Variants in SLC16A7 observed in about 807,000 individuals in gnomAD.
The protein encoded by SLC16A7 is solute carrier family 16 member 7, also known as monocarboxylate transporter 2.
Under a neutral mutation model 34.9 loss-of-function variants are expected in SLC16A7, and 33 were observed. That is an observed-to-expected ratio of 0.94 (90% CI 0.72 to 1.26). The LOEUF is 1.26. Ranked by LOEUF, SLC16A7 falls within the 50% of genes most tolerant of loss-of-function variation. SLC16A7 has a pLI of 0.00. For synonymous variants in SLC16A7, 201 were observed against 206.6 expected (o/e 0.97, Z 0.23); for missense variants, 573 against 578.1 (o/e 0.99, Z 0.09).
At chr12:59,643,355 C>T (rs1880770284) in intron 1 of SLC16A7, among the ~76,000 whole-genome samples, 1 of 152,036 alleles carries the variant, frequency 6.6e-6, no homozygotes, top group Admixed American at 6.6e-5. Flanking sequence ...GTTTTCGGCA[C>T]AAGTTGAAAG....
intron 2 of SLC16A7, among the ~76,000 whole-genome samples, chr12:59,659,404 C>G (rs970754922): frequency 1.3e-5 from 2 of 152,014 alleles, no homozygotes; most frequent in East Asian, 3.9e-4. Flanking sequence ...AACCCTCATC[C>G]TCCTCCTAGC....
Position 59,662,840 on chromosome 12 carries a change from T to G in SLC16A7, c.-31+7590T>G, listed in dbSNP as rs534312597. ...AAACATTAATCCATAATTTGCTGCT[T>G]TAGGTGAATTTTAATTTTTTGTATA... On this transcript the variant is annotated intron_variant, in intron 2 of 5. Coordinates refer to ENST00000547379, the MANE Select transcript of SLC16A7 (RefSeq NM_001270623.2). Among the ~76,000 whole-genome samples, 7 of 152,272 alleles carry G rather than the reference T, an allele frequency of 4.6e-5. No individual in the cohort carries two copies. In the East Asian group the frequency reaches 1.4e-3, roughly 29 times the overall value.
chr12:59,685,244 T>C (rs1871063920), intron 2 of SLC16A7, among the ~76,000 whole-genome samples: 1 of 152,198 alleles, frequency 6.6e-6, no homozygotes, highest in Admixed American at 6.5e-5. Context: ...CAGTGTTTAG[T>C]GTTTATTATG....
chr12:59,661,050 A>G (rs1868823123), intron 2 of SLC16A7, among the ~76,000 whole-genome samples: 1 of 152,106 alleles, frequency 6.6e-6, no homozygotes, highest in Non-Finnish European at 1.5e-5. Flanking sequence ...ATTACATTTT[A>G]TAACATATTC....
intron 3 of SLC16A7, among the ~76,000 whole-genome samples, chr12:59,755,958 C>T (rs1254560221): frequency 5.9e-5 from 9 of 152,144 alleles, no homozygotes; most frequent in Admixed American, 5.9e-4. Context: ...CGCTGCATAT[C>T]TACAACTATC....
Position 59,722,568 on chromosome 12 carries a change from T to C in SLC16A7, c.217+17550T>C, listed in dbSNP as rs919849106. ...CTCACTCTGCTTTAGCTATACTATC[T>C]ACCTACTCTTCCTAGAATATACCAG... On this transcript the variant is annotated intron_variant, in intron 3 of 5. Transcript: ENST00000547379. Among the ~76,000 whole-genome samples, 4 of 152,010 alleles carry C rather than the reference T, an allele frequency of 2.6e-5. No homozygotes were observed. In the South Asian group the frequency reaches 8.3e-4, roughly 32 times the overall value.
chr12:59,762,778 C>T (rs993385807), intron 3 of SLC16A7, among the ~76,000 whole-genome samples: 23 of 150,534 alleles, frequency 1.5e-4, no homozygotes, highest in African/African-American at 5.6e-4. Context: ...TAGGAACAGC[C>T]ACTGTACTTG....
chr12:59,631,231 T>C (rs1196258061), intron 1 of SLC16A7, among the ~76,000 whole-genome samples: 2 of 151,962 alleles, frequency 1.3e-5, no homozygotes, highest in African/African-American at 4.8e-5. Flanking sequence ...CATTGGGTCT[T>C]CTGCTGCTAG....
intron 3 of SLC16A7, among the ~76,000 whole-genome samples, chr12:59,749,258 G>C (rs563171234): frequency 6.6e-6 from 1 of 152,192 alleles, no homozygotes; most frequent in South Asian, 2.1e-4. Flanking sequence ...GTTTTGAAGG[G>C]ACAAGATCAA....
rs544131543 is a variant in SLC16A7, at chr12:59,646,203, T to C, written c.-129-8949T>C. Among the ~76,000 whole-genome samples the C allele has an allele frequency of 3.9e-5, 6 of 152,276 alleles. No homozygotes were observed. The East Asian group carries it at 9.7e-4, about 25-fold the overall frequency. ...CTGTGGGGAAAATGTCTCCAGGGCA[T>C]GTCAGAGACCGTCACAGCAGCCCCT... On this transcript the variant is annotated intron_variant, in intron 1 of 5. Coordinates refer to ENST00000547379, the MANE Select transcript of SLC16A7 (RefSeq NM_001270623.2).
At chr12:59,704,450 C>T (rs907447203) in intron 2 of SLC16A7, among the ~76,000 whole-genome samples, 1 of 152,002 alleles carries the variant, frequency 6.6e-6, no homozygotes, top group Non-Finnish European at 1.5e-5. Context: ...TGTATCAGAT[C>T]TATCTTAGAG....
In SLC16A7 at chr12:59,709,352, G is replaced by T. The variant is rs537855208; in HGVS notation, c.217+4334G>T. 9.2e-5 allele frequency among the ~76,000 whole-genome samples: 14 copies of T among 151,666 alleles called. No homozygotes were observed. The South Asian group carries it at 2.9e-3, about 31-fold the overall frequency. ...AAAGTAAGGGTGATAGTTTTGTGAT[G>T]AACTACTTTACATGGGGATTGAACA... On this transcript the variant is annotated intron_variant, in intron 3 of 5. Transcript: ENST00000547379.
At chr12:59,631,796 G>A (rs577787894) in intron 1 of SLC16A7, among the ~76,000 whole-genome samples, 37 of 151,998 alleles carry the variant, frequency 2.4e-4, no homozygotes, top group Non-Finnish European at 2.8e-4. Context: ...CTGTTCCTGC[G>A]TTAGTTTGAG....
At chr12:59,776,721 G>T (rs550703936) in intron 5 of SLC16A7, among the ~76,000 whole-genome samples, 3 of 152,034 alleles carry the variant, frequency 2.0e-5, no homozygotes, top group African/African-American at 7.2e-5. Context: ...GTATCAGTCG[G>T]CTCTAAGACC....
intron 3 of SLC16A7, among the ~76,000 whole-genome samples, chr12:59,729,647 G>A (rs553799758): frequency 1.3e-5 from 2 of 151,972 alleles, no homozygotes; most frequent in Non-Finnish European, 2.9e-5. Flanking sequence ...AGGTGATTTT[G>A]TGGTTCTTAA....
chr12:59,696,477 T>C (rs933106404), intron 2 of SLC16A7: 1 of 152,056 alleles, frequency 6.6e-6, no homozygotes, highest in Non-Finnish European at 1.5e-5. Flanking sequence ...GCTTAAAGAT[T>C]CCACATATAA....
rs1296430925 is a variant in SLC16A7, at chr12:59,596,679, C to T, written c.-130+443C>T. Among the ~76,000 whole-genome samples the T allele has an allele frequency of 6.6e-6, 1 of 152,122 alleles. No individual in the cohort carries two copies. Among genetic ancestry groups the T allele is most frequent in the South Asian group, 2.1e-4 (1 of 4,822 alleles). On this transcript the variant is annotated intron_variant, in intron 1 of 5. Transcript: ENST00000547379. The surrounding 1 kb of genome is among the most constrained non-coding windows in gnomAD (Gnocchi z 5.0). Reference sequence around the variant, plus strand: ...GCGCGCCCCGCCAGCATCCGGCCCCCGAGCCCCCTAGGGTGGCGTGGCTTC... The same window carrying T: ...GCGCGCCCCGCCAGCATCCGGCCCCTGAGCCCCCTAGGGTGGCGTGGCTTC...
intron 3 of SLC16A7, among the ~76,000 whole-genome samples, chr12:59,722,864 A>G (rs1395844969): frequency 2.0e-5 from 3 of 151,962 alleles, no homozygotes; most frequent in South Asian, 2.1e-4. Context: ...CTGTGGTGAT[A>G]GAAATGTTCT....
intron 4 of SLC16A7, among the ~76,000 whole-genome samples, 175 bp downstream of exon 4, chr12:59,771,537 A>G (rs942880278): frequency 6.6e-6 from 1 of 152,160 alleles, no homozygotes; most frequent in African/African-American, 2.4e-5. Context: ...ATGGGCAAAC[A>G]TTTCATTTTT....
Sources: gnomAD v4.1 joint callset for allele counts (sites outside exome capture counted in the v4.1 genomes callset) on GRCh38, gnomAD v4.1.1 for gene constraint, Gnocchi (gnomAD v3.1) non-coding constraint, MANE v1.5 for transcripts, NCBI Gene and HGNC (gene_info 2026-07-23, HGNC 2026-07-21) for gene names.